The following CC2D1A variants were observed in gnomAD, a reference collection of about 807,000 sequenced individuals.
The protein encoded by CC2D1A is coiled-coil and C2 domain containing 1A.
In CC2D1A, 68 loss-of-function variants were observed where a neutral mutation model predicts 123.8. That is an observed-to-expected ratio of 0.55 (90% confidence interval 0.45 to 0.67). The LOEUF is 0.67. Ranked by LOEUF, CC2D1A falls within the 30% of genes least tolerant of loss-of-function variation. CC2D1A has a pLI of 0.00. For synonymous variants in CC2D1A, 477 were observed against 528.0 expected (o/e 0.90, Z 1.32); for missense variants, 1,185 against 1,290.3 (o/e 0.92, Z 1.25).
chr19:13,925,975 T>C (rs1277103789), intron 17 of CC2D1A, among the ~76,000 whole-genome samples: 5 of 130,342 alleles, frequency 3.8e-5, no homozygotes, highest in African/African-American at 1.8e-4. Context: ...TATATATATG[T>C]GTATATATAT....
Position 13,930,284 on chromosome 19 carries a change from A to T in CC2D1A, c.2830A>T (p.Ser944Cys), listed in dbSNP as rs749984125. 2 of 1,613,778 alleles carry T rather than the reference A, an allele frequency of 1.2e-6. No individual in the cohort carries two copies. The highest frequency in any genetic ancestry group is 1.7e-6 in the Non-Finnish European group (2 of 1,179,850). ...EALYRRNLVE[S>C]ELQRLRR ...GCTCTATAGGCGGAATCTGGTAGAG[A>T]GTGAGGTAAGCAGCTTAGGAGATGG... The change falls in exon 28 of 29, where the codon AGT becomes TGT. Residue 944 changes from serine to cysteine, a missense_variant. Transcript: ENST00000318003. The surrounding 1 kb of genome is among the most constrained non-coding windows in gnomAD (Gnocchi z 6.8).
chr19:13,918,575 C>A lies in CC2D1A; in HGVS notation c.945C>A (p.Pro315=). 1 of 1,613,172 alleles carries A rather than the reference C, an allele frequency of 6.2e-7. No individual in the cohort carries two copies. The change falls in exon 8 of 29, where the codon CCC becomes CCA. Residue 315 remains proline, a splice_region_variant and synonymous_variant. Coordinates refer to ENST00000318003, the MANE Select transcript of CC2D1A (RefSeq NM_017721.5). Reference sequence around the variant, plus strand: ...ACCTCTCCTGCCTGCCCCCTCCACCCGGTGAGAACCCTGCCATGCCCACTC... The same window carrying A: ...ACCTCTCCTGCCTGCCCCCTCCACCAGGTGAGAACCCTGCCATGCCCACTC... The part of the protein sequence containing the change: ...PVDLSCLPPP[P]DQLPPDPPSP...
rs1224508007 is a variant in CC2D1A, at chr19:13,930,524, GGGCCCCCAGCCCCGCCAGAGCCTCCGT to G, written c.*133_*159del. The G allele has an allele frequency of 1.2e-4, 130 of 1,129,266 alleles. No homozygotes were observed. Among genetic ancestry groups the G allele is most frequent in the Non-Finnish European group, 1.5e-4 (121 of 817,782 alleles). 70.0% of individuals were successfully genotyped at this position (1,129,266 alleles called of 1,614,324 possible). A position where few individuals can be genotyped will look rare whatever the true frequency, so the allele number is the denominator to read the frequency against. On this transcript the variant is annotated 3_prime_UTR_variant, in exon 29 of 29. Transcript: ENST00000318003. This position sits in a 1 kb window ranked among gnomAD's most constrained non-coding sequence, Gnocchi z 6.8. ...TCGGTTCTGGACTCACCCCTCATCC[GGGCCCCCAGCCCCGCCAGAGCCTCCGT>G]GGCTGCGGGTGTTGGGAACCATGCC...
In CC2D1A at chr19:13,930,527, C is replaced by A; in HGVS notation, c.*132C>A. On this transcript the variant is annotated 3_prime_UTR_variant, in exon 29 of 29. Coordinates refer to ENST00000318003, the MANE Select transcript of CC2D1A (RefSeq NM_017721.5). This position sits in a 1 kb window ranked among gnomAD's most constrained non-coding sequence, Gnocchi z 6.8. The stretch of plus-strand genomic sequence containing the variant: ...GTTCTGGACTCACCCCTCATCCGGG[C>A]CCCCAGCCCCGCCAGAGCCTCCGTG... The A allele has an allele frequency of 1.9e-6, 2 of 1,054,930 alleles. No homozygotes were observed. Among genetic ancestry groups the A allele is most frequent in the Non-Finnish European group, 1.3e-6 (1 of 750,438 alleles). 65.3% of individuals were successfully genotyped at this position (1,054,930 alleles called of 1,614,324 possible).
At position 13,912,371 on chromosome 19, in the gene CC2D1A, G is replaced by C. The variant is rs1447591064; in HGVS notation, c.245G>C (p.Arg82Thr). ...GAGAAGATGGCCAGCCTGTGCATGA[G>C]AGACCCGGATGAGGATGAGGAGGAG... is the stretch of plus-strand genomic sequence containing the variant. ...AIEKMASLCM[R>T]DPDEDEEEGT... The change falls in exon 3 of 29, where the codon AGA becomes ACA. Residue 82 changes from arginine (R) to threonine (T), a missense_variant. Arg to Thr is a moderately conservative substitution (Grantham distance 71). Coordinates refer to ENST00000318003, the MANE Select transcript of CC2D1A (RefSeq NM_017721.5). The C allele has an allele frequency of 6.2e-7, 1 of 1,613,310 alleles. No homozygotes were observed. The highest frequency in any genetic ancestry group is 8.5e-7 in the Non-Finnish European group (1 of 1,179,710).
At chr19:13,920,454 C>T in intron 12 of CC2D1A, 103 bp from the exon 13 acceptor site, 1 of 745,278 alleles carries the variant, frequency 1.3e-6, no homozygotes. Context: ...GTCCTGGGAG[C>T]CCACTAAATG....
Position 13,930,540 on chromosome 19 carries a change from C to A in CC2D1A, c.*145C>A. ...CCCTCATCCGGGCCCCCAGCCCCGC[C>A]AGAGCCTCCGTGGCTGCGGGTGTTG... On this transcript the variant is annotated 3_prime_UTR_variant, in exon 29 of 29. Coordinates refer to ENST00000318003, the MANE Select transcript of CC2D1A (RefSeq NM_017721.5). This position sits in a 1 kb window ranked among gnomAD's most constrained non-coding sequence, Gnocchi z 6.8. The A allele has an allele frequency of 1.1e-6, 1 of 916,902 alleles. No homozygotes were observed. Among genetic ancestry groups the A allele is most frequent in the Non-Finnish European group, 1.6e-6 (1 of 624,902 alleles). 56.8% of individuals were successfully genotyped at this position (916,902 alleles called of 1,614,324 possible).
chr19:13,918,946 G>T lies in CC2D1A; in HGVS notation c.1053G>T (p.Ala351=), dbSNP rs768483916. 15 of 1,610,588 alleles carry T rather than the reference G, an allele frequency of 9.3e-6. No homozygotes were observed. The highest frequency in any genetic ancestry group is 1.3e-5 in the African/African-American group (1 of 74,848). The change falls in exon 10 of 29, where the codon GCG becomes GCT. Residue 351 remains alanine, a synonymous_variant. Coordinates refer to ENST00000318003, the MANE Select transcript of CC2D1A (RefSeq NM_017721.5). ...VPPPPRTLLE[A]LEQRMERYQV... ...CACCCCCGAGGACCCTGCTGGAGGCGCTGGAGCAGCGGATGGAGCGGTACC... is the reference window on the plus strand; with the variant it reads ...CACCCCCGAGGACCCTGCTGGAGGCTCTGGAGCAGCGGATGGAGCGGTACC...
In CC2D1A at chr19:13,926,907, C is replaced by T. The variant is rs549260303; in HGVS notation, c.2125+35C>T. On this transcript the variant is annotated intron_variant, in intron 20 of 28. Transcript: ENST00000318003. ...GGCTGGAAGCACCCTACCCCTACTC[C>T]CTTGCAGCAGAAGGGACATAAGACA... 240 of 1,613,322 alleles carry T rather than the reference C, an allele frequency of 1.5e-4. 1 individual carries two copies. The South Asian group carries it at 2.4e-3, about 16-fold the overall frequency.
In CC2D1A at chr19:13,930,557, C is replaced by T. The variant is rs1431678111; in HGVS notation, c.*162C>T. On this transcript the variant is annotated 3_prime_UTR_variant, in exon 29 of 29. Transcript: ENST00000318003. The surrounding 1 kb of genome is among the most constrained non-coding windows in gnomAD (Gnocchi z 6.8). The stretch of plus-strand genomic sequence containing the variant: ...AGCCCCGCCAGAGCCTCCGTGGCTG[C>T]GGGTGTTGGGAACCATGCCTGCCAG... The T allele has an allele frequency of 3.8e-6, 3 of 788,356 alleles. No individual in the cohort carries two copies. The highest frequency in any genetic ancestry group is 5.9e-6 in the Non-Finnish European group (3 of 508,138). The allele number at this position is 788,356 out of a possible 1,614,324, so 48.8% of individuals were successfully genotyped here.
chr19:13,928,036 A>T lies in CC2D1A; in HGVS notation c.2454+6A>T. On this transcript the variant is annotated splice_donor_region_variant and intron_variant, in intron 23 of 28. Transcript: ENST00000318003. ...TGCCGGCAGCTGTGCCCACAGTGAG[A>T]CCCCCCACCCCCACCCATCAGCAAC... is the stretch of plus-strand genomic sequence containing the variant. The T allele has an allele frequency of 6.2e-7, 1 of 1,606,614 alleles. No individual in the cohort carries two copies. The highest frequency in any genetic ancestry group is 8.5e-7 in the Non-Finnish European group (1 of 1,175,200).
intron 6 of CC2D1A, among the ~76,000 whole-genome samples, chr19:13,913,937 A>G (rs568776256): frequency 6.6e-6 from 1 of 152,284 alleles, no homozygotes; most frequent in South Asian, 2.1e-4. Flanking sequence ...GCTGGAGCGC[A>G]GTGGCACGAT....
At chr19:13,909,985 C>G in intron 2 of CC2D1A, 27 bp downstream of exon 2, 1 of 1,500,472 alleles carries the variant, frequency 6.7e-7, no homozygotes, top group Non-Finnish European at 8.9e-7. Context: ...ACCCTCAGAA[C>G]ATTTTCTGAT....
chr19:13,912,511 G>T lies in CC2D1A; in HGVS notation c.313-17G>T, dbSNP rs773666001. 5 of 1,613,998 alleles carry T rather than the reference G, an allele frequency of 3.1e-6. No individual in the cohort carries two copies. The African/African-American group carries it at 4.0e-5, about 13-fold the overall frequency. ...CAGCAGGCCCTTATATCCTGCCCTG[G>T]CTGTGTGTCCCTGCAGGCGGAGCTA... On this transcript the variant is annotated splice_polypyrimidine_tract_variant and intron_variant, in intron 3 of 28. Coordinates refer to ENST00000318003, the MANE Select transcript of CC2D1A (RefSeq NM_017721.5).
rs752206880 is a variant in CC2D1A at position 13,920,685 on chromosome 19, C to T, written c.1468+17C>T. On this transcript the variant is annotated intron_variant, in intron 13 of 28. Coordinates refer to ENST00000318003, the MANE Select transcript of CC2D1A (RefSeq NM_017721.5). ...CCACCAGAGGTAAGTTCCCCCTCCC[C>T]GCCCCAGCTGCCTGTTGCCTGGCTG... The T allele has an allele frequency of 2.7e-5, 43 of 1,606,296 alleles. No homozygotes were observed. The highest frequency in any genetic ancestry group is 1.3e-4 in the South Asian group (12 of 90,382).
rs747435023 is a variant in CC2D1A at position 13,906,261 on chromosome 19, G to A, written c.-181G>A. ...GCCGCGCTCCGGTGCGGCGGCGCCC[G>A]AGGCCCGAGGCGGAAGTGGGACGGC... On this transcript the variant is annotated 5_prime_UTR_variant, in exon 1 of 29. Coordinates refer to ENST00000318003, the MANE Select transcript of CC2D1A (RefSeq NM_017721.5). This position sits in a 1 kb window ranked among gnomAD's most constrained non-coding sequence, Gnocchi z 4.1. The A allele has an allele frequency of 1.9e-5, 9 of 471,658 alleles. No individual in the cohort carries two copies. Among genetic ancestry groups the A allele is most frequent in the Admixed American group, 8.8e-5 (2 of 22,650 alleles). 29.2% of individuals were successfully genotyped at this position (471,658 alleles called of 1,614,324 possible). A position where few individuals can be genotyped will look rare whatever the true frequency, so the allele number is the denominator to read the frequency against.
chr19:13,920,381 G>GA (rs60377105), intron 12 of CC2D1A, 176 bp from the exon 13 acceptor site: 39,277 of 515,734 alleles, frequency 0.076, no homozygotes, highest in South Asian at 0.092. Context: ...TCTCAAAAAA[G>GA]AAAAAAAAAA....
At chr19:13,911,593 T>C (rs1247955899) in intron 2 of CC2D1A, among the ~76,000 whole-genome samples, 1 of 150,194 alleles carries the variant, frequency 6.7e-6, no homozygotes, top group African/African-American at 2.4e-5. Context: ...TTGCCCAGGC[T>C]GCAGTGCAGT....
chr19:13,929,337 G>A, intron 24 of CC2D1A, 42 bp from the exon 25 acceptor site: 1 of 1,597,690 alleles, frequency 6.3e-7, no homozygotes, highest in Non-Finnish European at 8.6e-7. Context: ...GGGTTGGGCT[G>A]GGGGAATCTC....
Sources: allele counts gnomAD v4.1 joint callset (sites outside exome capture counted in the v4.1 genomes callset), GRCh38; gene constraint gnomAD v4.1.1; non-coding constraint Gnocchi (gnomAD v3.1); transcripts MANE v1.5; gene names NCBI Gene and HGNC (gene_info 2026-07-23, HGNC 2026-07-21).